The following MRTFA variants were observed in gnomAD, a reference collection of about 807,000 sequenced individuals.
MRTFA encodes myocardin-related transcription factor A.
A neutral mutation model predicts 83.5 loss-of-function variants in MRTFA; 20 were observed. The observed-to-expected ratio is 0.24, with a 90% CI of 0.17 to 0.35. MRTFA has a LOEUF of 0.35. Ranked by LOEUF, MRTFA falls within the 10% of genes least tolerant of loss-of-function variation. The probability of loss-of-function intolerance (pLI) is 1.00; values close to 1 mark genes in which losing one functional copy is unlikely to be tolerated. For synonymous variants in MRTFA, 659 were observed against 541.2 expected (o/e 1.22, Z -3.02); for missense variants, 1,200 against 1,224.7 (o/e 0.98, Z 0.30).
intron 3 of MRTFA, among the ~76,000 whole-genome samples, chr22:40,534,901 AG>A (rs2055141291): frequency 6.6e-6 from 1 of 152,256 alleles, no homozygotes; most frequent in Admixed American, 6.5e-5. Context: ...TAAAAGCAGT[AG>A]GAGACCTTAA....
intron 3 of MRTFA, among the ~76,000 whole-genome samples, chr22:40,550,200 T>C (rs888263341): frequency 6.6e-6 from 1 of 152,102 alleles, no homozygotes; most frequent in African/African-American, 2.4e-5. Flanking sequence ...TTTTTTTTCT[T>C]TCTACTTTAC....
In MRTFA at chr22:40,445,937, T is replaced by C. The variant is rs2053369315; in HGVS notation, c.308-10383A>G. 2.6e-5 allele frequency among the ~76,000 whole-genome samples: 4 copies of C among 152,262 alleles called. No individual in the cohort carries two copies. The South Asian group carries it at 8.3e-4, about 31-fold the overall frequency. ...AGTACCCCTACCTTTTTCATTTTCA[T>C]GACACTGACTTAAGTATCTAAGCTG... On this transcript the variant is annotated intron_variant, in intron 4 of 14. Coordinates refer to ENST00000355630, the MANE Select transcript of MRTFA (RefSeq NM_020831.6).
At chr22:40,542,888 T>C (rs748918547) in intron 3 of MRTFA, among the ~76,000 whole-genome samples, 1 of 152,234 alleles carries the variant, frequency 6.6e-6, no homozygotes, top group Non-Finnish European at 1.5e-5. Context: ...ATAAACCATA[T>C]ACTAACAGTG....
At chr22:40,609,916 T>C (rs1044823547) in intron 1 of MRTFA, among the ~76,000 whole-genome samples, 1 of 152,160 alleles carries the variant, frequency 6.6e-6, no homozygotes, top group Non-Finnish European at 1.5e-5. Flanking sequence ...CTTTAATATA[T>C]TAATTCTAGC....
At chr22:40,493,713 T>A (rs2054306748) in intron 3 of MRTFA, among the ~76,000 whole-genome samples, 2 of 152,186 alleles carry the variant, frequency 1.3e-5, no homozygotes, top group African/African-American at 4.8e-5. Flanking sequence ...CAGACATTAC[T>A]GAGGAGGATG....
intron 3 of MRTFA, among the ~76,000 whole-genome samples, chr22:40,487,320 C>G (rs771353948): frequency 1.3e-5 from 2 of 152,190 alleles, no homozygotes; most frequent in Admixed American, 1.3e-4. Context: ...GAAAACACCA[C>G]TATACATTTA....
chr22:40,462,710 A>G (rs1185791138), intron 4 of MRTFA, among the ~76,000 whole-genome samples: 1 of 152,238 alleles, frequency 6.6e-6, no homozygotes, highest in Non-Finnish European at 1.5e-5. Flanking sequence ...AGCGCCATCA[A>G]CGACTCTACT....
chr22:40,431,791 C>A lies in MRTFA; in HGVS notation c.364-311G>T, dbSNP rs556576338. Among the ~76,000 whole-genome samples, 101 of 151,884 alleles carry A rather than the reference C, an allele frequency of 6.6e-4. 2 individuals are homozygous for A. In the South Asian group the frequency reaches 0.01, roughly 15 times the overall value. On this transcript the variant is annotated intron_variant, in intron 5 of 14. Transcript: ENST00000355630. ...AAAGTAATATATGTCCAGCAAAAAA[C>A]ATTTAGAAAACTAGAAAGAAAAATA...
chr22:40,615,686 C>CTTT (rs59431175), intron 1 of MRTFA, among the ~76,000 whole-genome samples: 3 of 142,326 alleles, frequency 2.1e-5, no homozygotes, highest in Non-Finnish European at 4.6e-5. Context: ...ATTTTCTTTT[C>CTTT]TTTTTTTTTT....
intron 4 of MRTFA, among the ~76,000 whole-genome samples, chr22:40,446,654 C>T (rs889875343): frequency 3.9e-5 from 6 of 152,178 alleles, no homozygotes; most frequent in Admixed American, 2.6e-4. Context: ...TATAAAGTTT[C>T]CAGAGAATCA....
At chr22:40,434,200 C>T (rs1444132170) in intron 5 of MRTFA, among the ~76,000 whole-genome samples, 1 of 152,114 alleles carries the variant, frequency 6.6e-6, no homozygotes. Flanking sequence ...AGTCTTCTGA[C>T]CGAATAGGCG....
intron 3 of MRTFA, among the ~76,000 whole-genome samples, chr22:40,538,092 C>T (rs1404048271): frequency 4.7e-5 from 1 of 21,450 alleles, no homozygotes; most frequent in Non-Finnish European, 1.0e-4. Context: ...TGAGAACGGG[C>T]CAGGATGACA....
intron 3 of MRTFA, among the ~76,000 whole-genome samples, chr22:40,467,695 G>C (rs959575180): frequency 6.6e-6 from 1 of 151,614 alleles, no homozygotes; most frequent in African/African-American, 2.4e-5. Context: ...ATAAGCCTAT[G>C]GAGATTTAGG....
At chr22:40,589,052 A>G (rs1217707667) in intron 2 of MRTFA, among the ~76,000 whole-genome samples, 7 of 152,236 alleles carry the variant, frequency 4.6e-5, no homozygotes, top group African/African-American at 1.7e-4. Flanking sequence ...AGCACTACGC[A>G]GTGCCGAAAT....
chr22:40,635,571 G>A (rs999578720), intron 1 of MRTFA, among the ~76,000 whole-genome samples: 5 of 152,162 alleles, frequency 3.3e-5, no homozygotes, highest in Admixed American at 6.5e-5. Context: ...CCATTCAACT[G>A]CCCTTTCGTT....
intron 3 of MRTFA, among the ~76,000 whole-genome samples, chr22:40,470,546 A>G (rs189088785): frequency 6.6e-6 from 1 of 151,920 alleles, no homozygotes; most frequent in Non-Finnish European, 1.5e-5. Context: ...TTAAGAAACT[A>G]GATGAATATG....
chr22:40,589,946 C>A (rs894584892), intron 2 of MRTFA, among the ~76,000 whole-genome samples: 3 of 148,366 alleles, frequency 2.0e-5, no homozygotes, highest in Admixed American at 6.8e-5. Flanking sequence ...CGCTTGAACC[C>A]GGGAGGCGGA....
chr22:40,514,810 A>C (rs1357871304), intron 3 of MRTFA, among the ~76,000 whole-genome samples: 1 of 151,886 alleles, frequency 6.6e-6, no homozygotes, highest in Non-Finnish European at 1.5e-5. Flanking sequence ...AACGGTTTGT[A>C]CATGCTCTTC....
intron 4 of MRTFA, among the ~76,000 whole-genome samples, chr22:40,442,238 C>T (rs963708524): frequency 1.3e-5 from 2 of 152,114 alleles, no homozygotes; most frequent in African/African-American, 4.8e-5. Flanking sequence ...TAGGTGTTAT[C>T]GTAATAAAAA....
Sources: allele counts gnomAD v4.1 joint callset (sites outside exome capture counted in the v4.1 genomes callset), GRCh38; gene constraint gnomAD v4.1.1; transcripts MANE v1.5; gene names NCBI Gene and HGNC (gene_info 2026-07-23, HGNC 2026-07-21).